The following DENND2C variants were observed in gnomAD, a reference collection of about 807,000 sequenced individuals.
The protein encoded by DENND2C is DENN domain containing 2C.
DENND2C carries 72 observed loss-of-function variants against 112.4 expected under a neutral mutation model. That is an observed-to-expected ratio of 0.64 (90% CI 0.53 to 0.78). The LOEUF (loss-of-function observed/expected upper bound fraction) is 0.78. Ranked by LOEUF, DENND2C falls within the 30% of genes least tolerant of loss-of-function variation. The pLI is 0.00. For missense variants in DENND2C, 992 were observed against 1,113.8 expected (o/e 0.89, Z 1.56); for synonymous variants, 329 against 381.6 (o/e 0.86, Z 1.61).
intron 1 of DENND2C, among the ~76,000 whole-genome samples, chr1:114,667,325 T>C (rs1657672939): frequency 6.6e-6 from 1 of 152,212 alleles, no homozygotes; most frequent in Non-Finnish European, 1.5e-5. Flanking sequence ...GCTGAAATTG[T>C]AGAGCCTTAT....
chr1:114,636,628 C>T (rs996223732), intron 3 of DENND2C, among the ~76,000 whole-genome samples: 3 of 152,016 alleles, frequency 2.0e-5, no homozygotes, highest in African/African-American at 4.8e-5. Flanking sequence ...GAGCAGATCT[C>T]GTCATTCCAG....
chr1:114,618,352 C>G (rs1212731780), intron 8 of DENND2C, 34 bp downstream of exon 8: 2 of 1,416,654 alleles, frequency 1.4e-6, no homozygotes, highest in Admixed American at 4.5e-5. Flanking sequence ...ATCCTGACAG[C>G]TACAGGATAG....
chr1:114,627,687 G>C lies in DENND2C; in HGVS notation c.-204-1499C>G, dbSNP rs1328295079. ...CCCAAAGCACCAAAACTGTTGCACA[G>C]AACTCTTGATAAAAAACTAATGCAT... On this transcript the variant is annotated intron_variant, in intron 3 of 20. Transcript: ENST00000393274. Among the ~76,000 whole-genome samples, 4 of 151,920 alleles carry C rather than the reference G, an allele frequency of 2.6e-5. No individual in the cohort carries two copies. In the East Asian group the frequency reaches 7.8e-4, roughly 29 times the overall value.
rs377510690 is a variant in DENND2C, at chr1:114,623,115, A to T, written c.944-16T>A. 15 of 1,586,906 alleles carry T rather than the reference A, an allele frequency of 9.5e-6. No homozygotes were observed. The highest frequency in any genetic ancestry group is 6.7e-5 in the East Asian group (3 of 44,604). On this transcript the variant is annotated splice_polypyrimidine_tract_variant and intron_variant, in intron 5 of 20. Transcript: ENST00000393274. ...TTGGTGGGATCTTAAAAAATAATTT[A>T]AAAAAATGTTTACATGAACATAATT... is the stretch of plus-strand genomic sequence containing the variant.
chr1:114,595,978 T>A, intron 16 of DENND2C, 105 bp from the exon 17 acceptor site: 1 of 1,029,528 alleles, frequency 9.7e-7, no homozygotes, highest in Non-Finnish European at 1.5e-6. Flanking sequence ...TCAGCCCATT[T>A]AAAAGTTAGC....
At chr1:114,624,901 G>T (rs1214346064) in intron 4 of DENND2C, among the ~76,000 whole-genome samples, 1 of 152,192 alleles carries the variant, frequency 6.6e-6, no homozygotes, top group Non-Finnish European at 1.5e-5. Flanking sequence ...GATTACAGGA[G>T]CGAGCTACCG....
intron 8 of DENND2C, among the ~76,000 whole-genome samples, chr1:114,612,351 ATT>A (rs376474647): frequency 1.3e-3 from 177 of 139,090 alleles, no homozygotes; most frequent in African/African-American, 3.9e-3. Flanking sequence ...GCAGTTATAA[ATT>A]TTTTTTTTTT....
intron 3 of DENND2C, among the ~76,000 whole-genome samples, chr1:114,627,407 C>T (rs1029328042): frequency 2.6e-5 from 4 of 152,168 alleles, no homozygotes; most frequent in African/African-American, 7.2e-5. Flanking sequence ...CTTAGCCCAG[C>T]TCTGTCAGTA....
At chr1:114,602,263 A>G (rs1317282600) in intron 11 of DENND2C, 69 bp from the exon 12 acceptor site, 1 of 1,516,710 alleles carries the variant, frequency 6.6e-7, no homozygotes, top group Non-Finnish European at 9.1e-7. Context: ...TGGAACAAAC[A>G]ATTGAAAACT....
At chr1:114,635,150 T>C (rs61811025) in intron 3 of DENND2C, among the ~76,000 whole-genome samples, 5,887 of 152,252 alleles carry the variant, frequency 0.039, 150 homozygotes, top group Non-Finnish European at 0.063. Flanking sequence ...TTTGTTTAAA[T>C]TGTCCCATTG....
chr1:114,606,048 A>G (rs1655649652), intron 10 of DENND2C, among the ~76,000 whole-genome samples: 1 of 152,148 alleles, frequency 6.6e-6, no homozygotes, highest in Non-Finnish European at 1.5e-5. Flanking sequence ...TTGCCTTCAG[A>G]TAACTAATAA....
At chr1:114,598,294 G>A (rs116301507) in intron 16 of DENND2C, among the ~76,000 whole-genome samples, 1,724 of 152,202 alleles carry the variant, frequency 0.011, 26 homozygotes, top group African/African-American at 0.039. Context: ...CAATTAGAAT[G>A]ATCAGACTAT....
chr1:114,630,123 G>A (rs1656448706), intron 3 of DENND2C, among the ~76,000 whole-genome samples: 1 of 151,814 alleles, frequency 6.6e-6, no homozygotes, highest in Non-Finnish European at 1.5e-5. Context: ...GACCATCCTG[G>A]CCAACACAGT....
intron 1 of DENND2C, among the ~76,000 whole-genome samples, chr1:114,656,215 T>G (rs1274444698): frequency 6.6e-6 from 1 of 151,690 alleles, no homozygotes; most frequent in Non-Finnish European, 1.5e-5. Flanking sequence ...ACCACAGGTG[T>G]GTGCCACCAT....
chr1:114,638,588 G>A (rs1159904858), intron 3 of DENND2C, among the ~76,000 whole-genome samples: 4 of 151,748 alleles, frequency 2.6e-5, no homozygotes, highest in South Asian at 2.1e-4. Context: ...GTAAAACTCC[G>A]TCTCTACAAA....
chr1:114,643,215 G>T (rs1489725399), intron 3 of DENND2C, among the ~76,000 whole-genome samples: 2 of 152,174 alleles, frequency 1.3e-5, no homozygotes, highest in Admixed American at 6.6e-5. Flanking sequence ...TCCTGAACTT[G>T]TTACAGCAGA....
intron 18 of DENND2C, among the ~76,000 whole-genome samples, chr1:114,591,045 C>T (rs968720920): frequency 1.3e-5 from 2 of 152,046 alleles, no homozygotes; most frequent in African/African-American, 2.4e-5. Flanking sequence ...CAGCTCACTG[C>T]AGCCTCAAAT....
intron 2 of DENND2C, among the ~76,000 whole-genome samples, chr1:114,647,990 T>C (rs920470038): frequency 2.6e-5 from 4 of 151,994 alleles, no homozygotes; most frequent in South Asian, 2.1e-4. Context: ...GTATTTTTAG[T>C]AGAGGCATGG....
At chr1:114,653,072 T>C (rs1369088058) in intron 2 of DENND2C, among the ~76,000 whole-genome samples, 1 of 152,046 alleles carries the variant, frequency 6.6e-6, no homozygotes, top group Non-Finnish European at 1.5e-5. Context: ...TGACTGTATA[T>C]GATCAGTTGT....
Sources: gnomAD v4.1 joint callset for allele counts (sites outside exome capture counted in the v4.1 genomes callset) on GRCh38, gnomAD v4.1.1 for gene constraint, MANE v1.5 for transcripts, NCBI Gene and HGNC (gene_info 2026-07-23, HGNC 2026-07-21) for gene names.